The following ATXN7L1 variants were observed in gnomAD, a reference collection of about 807,000 sequenced individuals.
The protein encoded by ATXN7L1 is ataxin-7-like protein 1.
A neutral mutation model predicts 70.8 loss-of-function variants in ATXN7L1; 15 were observed. The observed-to-expected ratio is 0.21, with a 90% confidence interval of 0.14 to 0.33. ATXN7L1 has a LOEUF of 0.33. ATXN7L1 is among the 10% of genes least tolerant of loss of function. The probability of loss-of-function intolerance (pLI) is 1.00; values close to 1 mark genes in which losing one functional copy is unlikely to be tolerated. For missense variants in ATXN7L1, 975 were observed against 1,097.1 expected (o/e 0.89, Z 1.57); for synonymous variants, 440 against 445.1 (o/e 0.99, Z 0.14).
intron 9 of ATXN7L1, among the ~76,000 whole-genome samples, chr7:105,618,406 T>G (rs912646296): frequency 6.6e-6 from 1 of 152,088 alleles, no homozygotes; most frequent in African/African-American, 2.4e-5. Flanking sequence ...ATGATAAGCT[T>G]CTCTTGTGGC....
chr7:105,727,775 T>TACACACAC (rs1231586764), intron 3 of ATXN7L1, among the ~76,000 whole-genome samples: 7 of 115,460 alleles, frequency 6.1e-5, no homozygotes, highest in African/African-American at 2.5e-4. Flanking sequence ...TATATATATA[T>TACACACAC]ATACACACAC....
chr7:105,717,408 G>T (rs755657773), intron 3 of ATXN7L1, among the ~76,000 whole-genome samples: 1 of 152,098 alleles, frequency 6.6e-6, no homozygotes, highest in South Asian at 2.1e-4. Context: ...TTACAGACAT[G>T]AGCCACTATG....
chr7:105,651,356 A>G (rs1799801704), intron 4 of ATXN7L1, among the ~76,000 whole-genome samples: 1 of 152,228 alleles, frequency 6.6e-6, no homozygotes, highest in African/African-American at 2.4e-5. Flanking sequence ...GACTCTCAAT[A>G]AACTCTAACT....
intron 3 of ATXN7L1, among the ~76,000 whole-genome samples, chr7:105,724,897 G>C (rs1192206160): frequency 1.3e-5 from 2 of 151,910 alleles, no homozygotes; most frequent in Non-Finnish European, 2.9e-5. Flanking sequence ...TGCAATCATA[G>C]CTCACTGCAG....
chr7:105,666,873 C>A (rs1457995140), intron 3 of ATXN7L1, among the ~76,000 whole-genome samples: 2 of 152,192 alleles, frequency 1.3e-5, no homozygotes, highest in Non-Finnish European at 2.9e-5. Context: ...CCACTCCAAC[C>A]GCATATACAC....
intron 2 of ATXN7L1, among the ~76,000 whole-genome samples, chr7:105,817,681 C>T (rs1320051539): frequency 6.6e-6 from 1 of 152,146 alleles, no homozygotes; most frequent in East Asian, 1.9e-4. Flanking sequence ...CTTTGGGAGG[C>T]TGAGGCTGGA....
At chr7:105,789,447 G>A (rs1318498669) in intron 2 of ATXN7L1, among the ~76,000 whole-genome samples, 1 of 151,898 alleles carries the variant, frequency 6.6e-6, no homozygotes, top group Non-Finnish European at 1.5e-5. Flanking sequence ...GGAGACACAC[G>A]GGGTCCCCTG....
intron 2 of ATXN7L1, 35 bp downstream of exon 2, chr7:105,875,777 C>G: frequency 6.3e-7 from 1 of 1,576,136 alleles, no homozygotes; most frequent in South Asian, 1.1e-5. Flanking sequence ...TTCTGCCACA[C>G]ATGCTAACAC....
At chr7:105,843,805 A>G (rs1813574097) in intron 2 of ATXN7L1, among the ~76,000 whole-genome samples, 1 of 152,240 alleles carries the variant, frequency 6.6e-6, no homozygotes, top group Admixed American at 6.5e-5. Context: ...GCTATGGCCC[A>G]GGGATGGCTG....
At chr7:105,732,604 G>C (rs1358332758) in intron 3 of ATXN7L1, among the ~76,000 whole-genome samples, 1 of 152,188 alleles carries the variant, frequency 6.6e-6, no homozygotes, top group Non-Finnish European at 1.5e-5. Flanking sequence ...TGAGTATGCA[G>C]TTGTTCTGAG....
At chr7:105,615,592 C>G (rs1295922115) in intron 9 of ATXN7L1, among the ~76,000 whole-genome samples, 2 of 152,206 alleles carry the variant, frequency 1.3e-5, no homozygotes, top group African/African-American at 4.8e-5. Flanking sequence ...AGCTCTTGCT[C>G]AGAGGAGCTG....
At chr7:105,799,532 G>C (rs1410269148) in intron 2 of ATXN7L1, among the ~76,000 whole-genome samples, 1 of 105,664 alleles carries the variant, frequency 9.5e-6, no homozygotes, top group Non-Finnish European at 2.0e-5. Context: ...GCACTTGTTA[G>C]TGTTTCCAAG....
intron 2 of ATXN7L1, among the ~76,000 whole-genome samples, chr7:105,803,428 C>A (rs1338623259): frequency 6.6e-6 from 1 of 152,254 alleles, no homozygotes; most frequent in African/African-American, 2.4e-5. Flanking sequence ...GGAGGGACGG[C>A]TCCAGCCCTG....
chr7:105,789,904 GA>G (rs1585010855), intron 2 of ATXN7L1, among the ~76,000 whole-genome samples: 2 of 151,296 alleles, frequency 1.3e-5, no homozygotes, highest in Admixed American at 6.6e-5. Context: ...CCAAAAAGTG[GA>G]AACAACCCAA....
intron 3 of ATXN7L1, among the ~76,000 whole-genome samples, chr7:105,726,740 C>G (rs1338623170): frequency 1.3e-5 from 2 of 152,230 alleles, no homozygotes; most frequent in South Asian, 4.2e-4. Context: ...ACATGAGAGA[C>G]CAGGAAGGAT....
At chr7:105,836,369 G>A (rs1812386942) in intron 2 of ATXN7L1, among the ~76,000 whole-genome samples, 1 of 151,980 alleles carries the variant, frequency 6.6e-6, no homozygotes, top group Admixed American at 6.6e-5. Flanking sequence ...CAACCAAAAT[G>A]ACCCAAAGAT....
chr7:105,666,116 G>T (rs1214913903), intron 3 of ATXN7L1, among the ~76,000 whole-genome samples: 2 of 152,014 alleles, frequency 1.3e-5, no homozygotes, highest in African/African-American at 4.8e-5. Flanking sequence ...CCCGCTATGG[G>T]GTTCTTAAAT....
At chr7:105,692,378 C>CTTCT (rs1563009541) in intron 3 of ATXN7L1, among the ~76,000 whole-genome samples, 2 of 86,380 alleles carry the variant, frequency 2.3e-5, no homozygotes, top group African/African-American at 4.9e-5. Flanking sequence ...TCTTTCCTTC[C>CTTCT]TTCCTTCCTT....
intron 2 of ATXN7L1, among the ~76,000 whole-genome samples, chr7:105,838,115 A>G (rs1812675136): frequency 6.6e-6 from 1 of 152,028 alleles, no homozygotes; most frequent in South Asian, 2.1e-4. Context: ...GATCCTAGAG[A>G]CCCATAATGG....
Sources: allele counts gnomAD v4.1 joint callset (sites outside exome capture counted in the v4.1 genomes callset), GRCh38; gene constraint gnomAD v4.1.1; transcripts MANE v1.5; gene names NCBI Gene and HGNC (gene_info 2026-07-23, HGNC 2026-07-21).